Variants in IQSEC1 observed in about 807,000 individuals in gnomAD.
IQSEC1 encodes the protein IQ motif and SEC7 domain-containing protein 1.
IQSEC1 carries 31 observed loss-of-function variants against 91.0 expected under a neutral mutation model. The observed-to-expected ratio is 0.34, with a 90% CI of 0.26 to 0.46. The LOEUF is 0.46. IQSEC1 is among the 20% of genes least tolerant of loss of function. IQSEC1 has a pLI of 1.00. For missense variants in IQSEC1, 1,388 were observed against 1,575.6 expected (o/e 0.88, Z 2.02); for synonymous variants, 699 against 662.6 (o/e 1.05, Z -0.84).
chr3:12,923,626 T>C (rs1238643153), intron 4 of IQSEC1, among the ~76,000 whole-genome samples: 3 of 150,666 alleles, frequency 2.0e-5, no homozygotes, highest in African/African-American at 7.3e-5. Context: ...CCCCTCCCAC[T>C]CTGAGCCTTG....
chr3:12,952,031 G>A (rs1163459359), intron 1 of IQSEC1, among the ~76,000 whole-genome samples: 1 of 152,164 alleles, frequency 6.6e-6, no homozygotes, highest in East Asian at 1.9e-4. Context: ...AACATCCCAT[G>A]TGACTTCCGC....
In IQSEC1 at chr3:12,900,071, G is replaced by T. The variant is rs1694076967; in HGVS notation, c.*912C>A. 6.1e-6 allele frequency: 6 copies of T among 985,066 alleles called. No individual in the cohort carries two copies. Among genetic ancestry groups the T allele is most frequent in the Non-Finnish European group, 7.2e-6 (6 of 829,760 alleles). The allele number at this position is 985,066 out of a possible 1,614,324, so 61.0% of individuals were successfully genotyped here. On this transcript the variant is annotated 3_prime_UTR_variant, in exon 14 of 14. Transcript: ENST00000613206. Reference sequence around the variant, plus strand: ...ACCAGCTTGTAACCAGCTGTCCTGAGTTGCTACTGTAGAGTGTACTGCAGT... The same window carrying T: ...ACCAGCTTGTAACCAGCTGTCCTGATTTGCTACTGTAGAGTGTACTGCAGT...
chr3:13,105,101 T>C (rs1190807177), intron 2 of IQSEC1, among the ~76,000 whole-genome samples: 1 of 152,164 alleles, frequency 6.6e-6, no homozygotes, highest in Non-Finnish European at 1.5e-5. Flanking sequence ...CCCTGTGCAG[T>C]GTGAACTCTC....
At chr3:13,016,939 T>A (rs928058718) in intron 1 of IQSEC1, among the ~76,000 whole-genome samples, 1 of 152,192 alleles carries the variant, frequency 6.6e-6, no homozygotes, top group Non-Finnish European at 1.5e-5. Context: ...TCTATAGATT[T>A]GCCTGTTCTG....
At chr3:13,054,130 T>C (rs904693402) in intron 1 of IQSEC1, among the ~76,000 whole-genome samples, 4 of 152,140 alleles carry the variant, frequency 2.6e-5, no homozygotes, top group African/African-American at 9.7e-5. Context: ...CGGTGGGTGT[T>C]GAGCTTGGCT....
intron 1 of IQSEC1, among the ~76,000 whole-genome samples, chr3:12,961,929 T>C (rs566518826): frequency 6.6e-6 from 1 of 151,966 alleles, no homozygotes; most frequent in Non-Finnish European, 1.5e-5. Flanking sequence ...GGCTTTAGAG[T>C]TGGAGTTAGA....
chr3:13,115,308 G>A (rs1430015661), intron 2 of IQSEC1, among the ~76,000 whole-genome samples: 3 of 151,974 alleles, frequency 2.0e-5, no homozygotes, highest in Non-Finnish European at 4.4e-5. Context: ...ACTCTGGGGC[G>A]TCCTGCCTGG....
At chr3:13,281,566 G>T (rs767479104) in intron 1 of IQSEC1, among the ~76,000 whole-genome samples, 1 of 152,120 alleles carries the variant, frequency 6.6e-6, no homozygotes, top group South Asian at 2.1e-4. Flanking sequence ...CACCCTCCAG[G>T]CAGGGCAGCA....
Position 12,924,813 on chromosome 3 carries a change from C to A in IQSEC1, c.1569-71G>T. 1 of 1,413,624 alleles carries A rather than the reference C, an allele frequency of 7.1e-7. No homozygotes were observed. The highest frequency in any genetic ancestry group is 9.5e-7 in the Non-Finnish European group (1 of 1,047,128). 87.6% of individuals were successfully genotyped at this position (1,413,624 alleles called of 1,614,324 possible). A position where few individuals can be genotyped will look rare whatever the true frequency, so the allele number is the denominator to read the frequency against. ...CAGCCAGGCACCTGGAGGGGATCTC[C>A]GCTCAGTGGACGGTCGACATTCTCC... On this transcript the variant is annotated intron_variant, in intron 3 of 13. Coordinates refer to ENST00000613206, the MANE Select transcript of IQSEC1 (RefSeq NM_001134382.3). This position sits in a 1 kb window ranked among gnomAD's most constrained non-coding sequence, Gnocchi z 6.3.
chr3:13,051,892 C>T (rs749271472), intron 1 of IQSEC1, among the ~76,000 whole-genome samples: 6 of 151,944 alleles, frequency 3.9e-5, no homozygotes, highest in Non-Finnish European at 5.9e-5. Context: ...CAAGTTCCTG[C>T]GCCTAGGGCT....
At chr3:13,250,151 T>C (rs1309530987) in intron 1 of IQSEC1, among the ~76,000 whole-genome samples, 1 of 152,218 alleles carries the variant, frequency 6.6e-6, no homozygotes, top group African/African-American at 2.4e-5. Flanking sequence ...TCACAGGCTT[T>C]CAGGGGACAC....
At chr3:13,196,497 C>G (rs986521835) in intron 1 of IQSEC1, among the ~76,000 whole-genome samples, 1 of 152,248 alleles carries the variant, frequency 6.6e-6, no homozygotes, top group Non-Finnish European at 1.5e-5. Flanking sequence ...CTGAGCGCCT[C>G]TGAGACAGGC....
chr3:13,162,157 C>CAGGCTGTTCTCAGG (rs1166673505), intron 2 of IQSEC1, among the ~76,000 whole-genome samples: 1 of 152,214 alleles, frequency 6.6e-6, no homozygotes, highest in Non-Finnish European at 1.5e-5. Flanking sequence ...CCAGTGAGAG[C>CAGGCTGTTCTCAGG]AGGCTGTTCT....
At chr3:12,948,994 C>T (rs1278445283) in intron 1 of IQSEC1, among the ~76,000 whole-genome samples, 1 of 152,202 alleles carries the variant, frequency 6.6e-6, no homozygotes, top group Non-Finnish European at 1.5e-5. Context: ...ACAAACCTGC[C>T]AGGTACAAGA....
chr3:12,907,128 GTCAA>G (rs1179080868), intron 12 of IQSEC1, among the ~76,000 whole-genome samples: 1 of 152,190 alleles, frequency 6.6e-6, no homozygotes, highest in African/African-American at 2.4e-5. Flanking sequence ...GGCCCAAAAT[GTCAA>G]TCAAGCCGAG....
At chr3:12,952,802 C>T (rs1199462387) in intron 1 of IQSEC1, among the ~76,000 whole-genome samples, 1 of 152,216 alleles carries the variant, frequency 6.6e-6, no homozygotes, top group Non-Finnish European at 1.5e-5. Flanking sequence ...CCATCCAGGT[C>T]TCTGAAGATA....
chr3:12,948,213 T>C (rs1699309303), intron 1 of IQSEC1, among the ~76,000 whole-genome samples: 1 of 152,270 alleles, frequency 6.6e-6, no homozygotes. Context: ...AGTGCTTGGC[T>C]CTTAAAAAGC....
chr3:13,231,965 G>A (rs547085434), intron 1 of IQSEC1, among the ~76,000 whole-genome samples: 8 of 152,346 alleles, frequency 5.3e-5, no homozygotes, highest in Non-Finnish European at 1.0e-4. Flanking sequence ...GCCGAGAGGC[G>A]GATGTCACTG....
intron 1 of IQSEC1, among the ~76,000 whole-genome samples, chr3:12,951,676 T>C (rs917914701): frequency 1.3e-5 from 2 of 152,188 alleles, no homozygotes; most frequent in Non-Finnish European, 2.9e-5. Context: ...TATGGACTCC[T>C]GAGGTCCTTC....
Sources: allele counts gnomAD v4.1 joint callset (sites outside exome capture counted in the v4.1 genomes callset), GRCh38; gene constraint gnomAD v4.1.1; non-coding constraint Gnocchi (gnomAD v3.1); transcripts MANE v1.5; gene names NCBI Gene and HGNC (gene_info 2026-07-23, HGNC 2026-07-21).